Variants in MEGF10 observed in about 807,000 individuals in gnomAD.
MEGF10 encodes multiple epidermal growth factor-like domains protein 10.
In MEGF10, 86 loss-of-function variants were observed where a neutral mutation model predicts 147.5. That is an observed-to-expected ratio of 0.58 (90% confidence interval 0.49 to 0.70). The LOEUF is 0.70. Among genes scored for constraint, MEGF10 ranks in the 30% least tolerant of loss-of-function variants. The pLI is 0.00. For synonymous variants in MEGF10, 478 were observed against 525.5 expected (o/e 0.91, Z 1.24); for missense variants, 1,329 against 1,487.3 (o/e 0.89, Z 1.75).
At chr5:127,258,779 A>C in the MEGF10 span, among the ~76,000 whole-genome samples, 1 of 152,116 alleles carries the variant, frequency 6.6e-6, no homozygotes, top group East Asian at 1.9e-4. Context: ...GATGCATTTC[A>C]TCATGTGTGA....
At chr5:127,325,826 A>AGTATATATATATATACATATATGTGT (rs1561572070) in intron 1 of MEGF10, among the ~76,000 whole-genome samples, 7 of 100,262 alleles carry the variant, frequency 7.0e-5, no homozygotes, top group African/African-American at 2.7e-4. Context: ...CAGATTTGAG[A>AGTATATATATATATACATATATGTGT]GTATATATAT....
chr5:127,246,595 A>ACAATAATATATACTATATAAT, the MEGF10 span, among the ~76,000 whole-genome samples: 1 of 151,594 alleles, frequency 6.6e-6, no homozygotes, highest in Non-Finnish European at 1.5e-5. Flanking sequence ...CCAGAACTTA[A>ACAATAATATATACTATATAAT]AGTATAATTA....
chr5:127,428,792 A>G (rs947046914), intron 13 of MEGF10, among the ~76,000 whole-genome samples: 3 of 152,216 alleles, frequency 2.0e-5, no homozygotes, highest in Non-Finnish European at 1.5e-5. Flanking sequence ...GGTTATATCT[A>G]TGAGAGGGGA....
At chr5:127,306,368 T>C (rs551024814) in intron 1 of MEGF10, among the ~76,000 whole-genome samples, 5 of 152,332 alleles carry the variant, frequency 3.3e-5, no homozygotes, top group African/African-American at 1.2e-4. Flanking sequence ...AAGAAAGGTC[T>C]GTGCAAGCCA....
chr5:127,260,162 T>G, the MEGF10 span, among the ~76,000 whole-genome samples: 2 of 151,322 alleles, frequency 1.3e-5, no homozygotes, highest in South Asian at 2.1e-4. Context: ...ATCTCAAAAA[T>G]AAATAAATAA....
At chr5:127,254,716 C>T in the MEGF10 span, among the ~76,000 whole-genome samples, 10 of 151,114 alleles carry the variant, frequency 6.6e-5, no homozygotes, top group South Asian at 1.5e-3. Context: ...GAGGCTGAGG[C>T]AGGAGAATTG....
At chr5:127,289,887 G>T (rs1759161167), upstream of MEGF10, among the ~76,000 whole-genome samples, 1 of 152,100 alleles carries the variant, frequency 6.6e-6, no homozygotes, top group South Asian at 2.1e-4. Flanking sequence ...GGGAGAGGGG[G>T]ATAGAATTCA....
chr5:127,264,853 A>G, the MEGF10 span, among the ~76,000 whole-genome samples: 5 of 152,076 alleles, frequency 3.3e-5, no homozygotes, highest in African/African-American at 9.7e-5. Flanking sequence ...CAGGACGTGC[A>G]GGTTTGTTAC....
At chr5:127,273,197 G>C in the MEGF10 span, among the ~76,000 whole-genome samples, 1 of 152,216 alleles carries the variant, frequency 6.6e-6, no homozygotes, top group African/African-American at 2.4e-5. Flanking sequence ...GGCTCACAAG[G>C]GGATCTCCTA....
At chr5:127,396,802 C>T in intron 6 of MEGF10, 24 bp downstream of exon 6, 3 of 1,598,466 alleles carry the variant, frequency 1.9e-6, no homozygotes, top group Non-Finnish European at 2.6e-6. Flanking sequence ...TGCCCAGCAG[C>T]AGAGCAGAGC....
At chr5:127,246,364 A>G in the MEGF10 span, among the ~76,000 whole-genome samples, 20 of 152,278 alleles carry the variant, frequency 1.3e-4, no homozygotes, top group South Asian at 4.1e-3. Flanking sequence ...ACAGAGAACC[A>G]AACACCGCAT....
rs1047037108 is a variant in MEGF10, at chr5:127,364,720, A to G, written c.320-5190A>G. 2.6e-5 allele frequency among the ~76,000 whole-genome samples: 4 copies of G among 152,142 alleles called. No individual in the cohort carries two copies. The South Asian group carries it at 8.3e-4, about 32-fold the overall frequency. On this transcript the variant is annotated intron_variant, in intron 4 of 24. Coordinates refer to ENST00000503335, the MANE Select transcript of MEGF10 (RefSeq NM_001256545.2). ...GTGGGGAAGATAAAGTATATCTTGG[A>G]AGTCAACTCTCTGTTTGCTTCTTTC...
intron 14 of MEGF10, among the ~76,000 whole-genome samples, 182 bp from the exon 15 acceptor site, chr5:127,434,505 C>T (rs1765489910): frequency 6.6e-6 from 1 of 152,210 alleles, no homozygotes; most frequent in Admixed American, 6.5e-5. Context: ...TTCTTTTCCT[C>T]ATTAAAGGGT....
chr5:127,262,409 G>A, the MEGF10 span, among the ~76,000 whole-genome samples: 1 of 152,104 alleles, frequency 6.6e-6, no homozygotes, highest in African/African-American at 2.4e-5. Flanking sequence ...AAATTAGGCT[G>A]AAAAGGGAAA....
chr5:127,268,805 G>C, the MEGF10 span, among the ~76,000 whole-genome samples: 2 of 152,252 alleles, frequency 1.3e-5, no homozygotes. Flanking sequence ...GTGGGTCCCT[G>C]ACCTCTGAGT....
chr5:127,376,892 C>A (rs1412057553), intron 5 of MEGF10, among the ~76,000 whole-genome samples: 1 of 152,188 alleles, frequency 6.6e-6, no homozygotes, highest in Non-Finnish European at 1.5e-5. Flanking sequence ...TAACTTTAAT[C>A]ACCGTGGTAT....
chr5:127,399,007 C>G lies in MEGF10; in HGVS notation c.780+211C>G, dbSNP rs185200612. Among the ~76,000 whole-genome samples, 6 of 152,270 alleles carry G rather than the reference C, an allele frequency of 3.9e-5. No individual in the cohort carries two copies. In the East Asian group the frequency reaches 9.6e-4, roughly 24 times the overall value. Reference sequence around the variant, plus strand: ...GTGATTTAGTCCTAGACTTGAAGTGCATTGAAGGTTGTCATGTAAAGGGTA... The same window carrying G: ...GTGATTTAGTCCTAGACTTGAAGTGGATTGAAGGTTGTCATGTAAAGGGTA... On this transcript the variant is annotated intron_variant, in intron 7 of 24. Transcript: ENST00000503335.
At chr5:127,368,946 T>C (rs1378907596) in intron 4 of MEGF10, among the ~76,000 whole-genome samples, 1 of 152,142 alleles carries the variant, frequency 6.6e-6, no homozygotes, top group Non-Finnish European at 1.5e-5. Context: ...TCCACAAAAA[T>C]GTTACCAGTT....
chr5:127,260,031 C>A, the MEGF10 span, among the ~76,000 whole-genome samples: 2 of 151,944 alleles, frequency 1.3e-5, no homozygotes, highest in African/African-American at 4.8e-5. Context: ...GTGGTGTGTG[C>A]CTATAATCCC....
Sources: allele counts gnomAD v4.1 joint callset (sites outside exome capture counted in the v4.1 genomes callset), GRCh38; gene constraint gnomAD v4.1.1; transcripts MANE v1.5; gene names NCBI Gene and HGNC (gene_info 2026-07-23, HGNC 2026-07-21).